D2HGDH: variants seen among roughly 807,000 people sequenced by gnomAD.
D2HGDH encodes D-2-hydroxyglutarate dehydrogenase.
D2HGDH carries 31 observed loss-of-function variants against 46.9 expected under a neutral mutation model. That is an observed-to-expected ratio of 0.66 (90% CI 0.50 to 0.89). The LOEUF (loss-of-function observed/expected upper bound fraction) is 0.89. D2HGDH is among the 40% of genes least tolerant of loss of function. D2HGDH has a pLI of 0.00. For synonymous variants in D2HGDH, 364 were observed against 332.6 expected (o/e 1.09, Z -1.03); for missense variants, 698 against 720.8 (o/e 0.97, Z 0.36).
At chr2:241,745,259 C>T (rs1695560683) in intron 6 of D2HGDH, among the ~76,000 whole-genome samples, 1 of 152,148 alleles carries the variant, frequency 6.6e-6, no homozygotes, top group Non-Finnish European at 1.5e-5. Flanking sequence ...TAAAGAATTC[C>T]CTCCTGTAAT....
Position 241,755,782 on chromosome 2 carries a change from G to A in D2HGDH, c.1141-67G>A, listed in dbSNP as rs760616286. 13 of 1,611,866 alleles carry A rather than the reference G, an allele frequency of 8.1e-6. No individual in the cohort carries two copies. The East Asian group carries it at 2.0e-4, about 25-fold the overall frequency. On this transcript the variant is annotated intron_variant, in intron 8 of 9. Coordinates refer to ENST00000321264, the MANE Select transcript of D2HGDH (RefSeq NM_152783.5). ...CATGCTGCTGCCCTAACCCCGTGTG[G>A]TGTGCCCCCTGTCCCCGGGTGTCGT...
intron 2 of D2HGDH, among the ~76,000 whole-genome samples, chr2:241,739,735 G>A (rs1019633100): frequency 3.9e-5 from 6 of 152,236 alleles, no homozygotes; most frequent in South Asian, 4.1e-4. Flanking sequence ...CAAATAAGGC[G>A]GCCAAGACTT....
chr2:241,752,635 G>A (rs537794719), intron 8 of D2HGDH, among the ~76,000 whole-genome samples: 27 of 152,088 alleles, frequency 1.8e-4, no homozygotes, highest in East Asian at 1.7e-3. Flanking sequence ...CAGGACAGCC[G>A]CCGGGGATTC....
intron 9 of D2HGDH, among the ~76,000 whole-genome samples, chr2:241,764,905 AGCCGTC>A (rs1328937144): frequency 6.6e-6 from 1 of 152,070 alleles, no homozygotes; most frequent in African/African-American, 2.4e-5. Flanking sequence ...CTCTTCTCTG[AGCCGTC>A]GCCTTCTTGA....
Position 241,751,309 on chromosome 2 carries a change from TG to T in D2HGDH, c.1064del (p.Gly355AlafsTer13). 8 of 1,613,976 alleles carry T rather than the reference TG, an allele frequency of 5.0e-6. No homozygotes were observed. Among genetic ancestry groups the T allele is most frequent in the Non-Finnish European group, 6.8e-6 (8 of 1,180,042 alleles). ...GSNAGHDAEK[L>X]GHFLEHALGS... ...AACGCAGGCCATGACGCTGAGAAGC[TG>T]GGCCACTTCCTGGAGCACGCGCTGG... is the stretch of plus-strand genomic sequence containing the variant. On this transcript the variant is annotated frameshift_variant, in exon 8 of 10. Transcript: ENST00000321264. LOFTEE classifies it high-confidence loss of function.
chr2:241,739,500 T>G (rs575404611), intron 2 of D2HGDH, among the ~76,000 whole-genome samples: 1 of 152,304 alleles, frequency 6.6e-6, no homozygotes, highest in Admixed American at 6.5e-5. Flanking sequence ...GGCTTTCTGA[T>G]CAGAAAAGCA....
intron 9 of D2HGDH, among the ~76,000 whole-genome samples, chr2:241,761,926 C>T (rs887445858): frequency 2.0e-5 from 3 of 152,108 alleles, no homozygotes; most frequent in Non-Finnish European, 4.4e-5. Context: ...TCTGGGTTGA[C>T]AGTTGCTTCC....
rs1440720901 is a variant in D2HGDH, at chr2:241,738,193, C to T, written c.292+2677C>T. On this transcript the variant is annotated intron_variant, in intron 2 of 9. Coordinates refer to ENST00000321264, the MANE Select transcript of D2HGDH (RefSeq NM_152783.5). The stretch of plus-strand genomic sequence containing the variant: ...TCCCGAAGTAAGGACCCCTCTGGGG[C>T]GATCTCAAGCTGCTGCCCTGAGTGC... Among the ~76,000 whole-genome samples the T allele has an allele frequency of 5.3e-5, 8 of 152,230 alleles. No individual in the cohort carries two copies. In the East Asian group the frequency reaches 5.8e-4, roughly 11 times the overall value.
rs772305527 is a variant in D2HGDH at position 241,741,108 on chromosome 2, G to A, written c.350+18G>A. The A allele has an allele frequency of 4.0e-5, 64 of 1,609,918 alleles. No homozygotes were observed. Among genetic ancestry groups the A allele is most frequent in the Middle Eastern group, 1.8e-4 (1 of 5,698 alleles). ...ATCCTCAGGTGAGGTGGTGGCTCCC[G>A]GCTCCCCCAGCCTTCCCTGTTGCCT... On this transcript the variant is annotated intron_variant, in intron 3 of 9. Transcript: ENST00000321264.
rs866737159 is a variant in D2HGDH at position 241,743,252 on chromosome 2, T to C, written c.491-370T>C. ...TGGGTGTTGAGCAGCATCCTTGGCC[T>C]CCGCCTACAAGGTGCCCATGGCACC... is the stretch of plus-strand genomic sequence containing the variant. On this transcript the variant is annotated intron_variant, in intron 4 of 9. Coordinates refer to ENST00000321264, the MANE Select transcript of D2HGDH (RefSeq NM_152783.5). The surrounding 1 kb of genome is among the most constrained non-coding windows in gnomAD (Gnocchi z 4.8). Among the ~76,000 whole-genome samples the C allele has an allele frequency of 1.3e-5, 2 of 152,176 alleles. No individual in the cohort carries two copies. Among genetic ancestry groups the C allele is most frequent in the Admixed American group, 6.5e-5 (1 of 15,290 alleles).
chr2:241,762,102 C>T (rs1195790230), intron 9 of D2HGDH, among the ~76,000 whole-genome samples: 22 of 146,320 alleles, frequency 1.5e-4, no homozygotes, highest in Middle Eastern at 3.2e-3. Flanking sequence ...GATGGAGTCC[C>T]GCTCTGTCAC....
chr2:241,735,398 G>A lies in D2HGDH; in HGVS notation c.174G>A (p.Pro58=), dbSNP rs1434400949. Residue 58 remains proline, a synonymous_variant, in exon 2 of 10, where the codon CCG becomes CCA. Transcript: ENST00000321264. ...TRERYPVRRL[P]FSTVSKQDLA... is the part of the protein sequence containing the mutation. ...AGCGCTACCCCGTGCGGCGCTTGCCGTTCTCCACGGTGTCTAAGCAGGACC... is the reference window on the plus strand; with the variant it reads ...AGCGCTACCCCGTGCGGCGCTTGCCATTCTCCACGGTGTCTAAGCAGGACC... 1.9e-6 allele frequency: 3 copies of A among 1,599,034 alleles called. No homozygotes were observed. Among genetic ancestry groups the A allele is most frequent in the African/African-American group, 1.3e-5 (1 of 74,854 alleles).
rs1257931111 is a variant in D2HGDH at position 241,735,182 on chromosome 2, GC to G, written c.-37del. On this transcript the variant is annotated 5_prime_UTR_variant, in exon 2 of 10. Coordinates refer to ENST00000321264, the MANE Select transcript of D2HGDH (RefSeq NM_152783.5). The stretch of plus-strand genomic sequence containing the variant: ...CTTCCCCTCCGGGCCCTGAGTACCG[GC>G]CCCCCACCAAGGAGGAGCCCGAGGT... 6.7e-6 allele frequency: 10 copies of G among 1,485,096 alleles called. No individual in the cohort carries two copies. Among genetic ancestry groups the G allele is most frequent in the South Asian group, 2.6e-5 (2 of 77,556 alleles). The allele number at this position is 1,485,096 out of a possible 1,614,324, so 92.0% of individuals were successfully genotyped here. A position where few individuals can be genotyped will look rare whatever the true frequency, so the allele number is the denominator to read the frequency against.
rs1559358303 is a variant in D2HGDH, at chr2:241,743,104, AGGGC to A, written c.491-516_491-513del. ...TGAGGGGATCCTGACCCAGGGTGCCAGGGCGTGGCAGGCATGAGGGGATCCTGAC... is the reference window on the plus strand; with the variant it reads ...TGAGGGGATCCTGACCCAGGGTGCCAGTGGCAGGCATGAGGGGATCCTGAC... On this transcript the variant is annotated intron_variant, in intron 4 of 9. Coordinates refer to ENST00000321264, the MANE Select transcript of D2HGDH (RefSeq NM_152783.5). This position sits in a 1 kb window ranked among gnomAD's most constrained non-coding sequence, Gnocchi z 4.8. Among the ~76,000 whole-genome samples the A allele has an allele frequency of 2.2e-3, 118 of 53,728 alleles. 1 individual carries two copies. The highest frequency in any genetic ancestry group is 0.014 in the African/African-American group (110 of 7,778). The allele number at this position is 53,728 out of a possible 152,430, so 35.2% of individuals were successfully genotyped here. A position where few individuals can be genotyped will look rare whatever the true frequency, so the allele number is the denominator to read the frequency against.
intron 8 of D2HGDH, chr2:241,755,200 T>C: frequency 7.8e-7 from 1 of 1,287,894 alleles, no homozygotes. Context: ...GCCGTGTCCC[T>C]CCTCCTCCAC....
chr2:241,747,900 C>G (rs1233975353), intron 6 of D2HGDH, among the ~76,000 whole-genome samples: 1 of 151,992 alleles, frequency 6.6e-6, no homozygotes, highest in African/African-American at 2.4e-5. Flanking sequence ...AGCCATTTCC[C>G]CTGCAGTCTT....
chr2:241,763,779 C>G (rs1281146460), intron 9 of D2HGDH, among the ~76,000 whole-genome samples: 1 of 152,160 alleles, frequency 6.6e-6, no homozygotes, highest in African/African-American at 2.4e-5. Context: ...CCTGTAATCT[C>G]AGCGCTTTGG....
intron 6 of D2HGDH, among the ~76,000 whole-genome samples, chr2:241,745,377 C>T (rs1312882328): frequency 6.6e-6 from 1 of 152,238 alleles, no homozygotes; most frequent in African/African-American, 2.4e-5. Context: ...TCTCCTGGGA[C>T]CTGCCTGCGG....
At position 241,735,368 on chromosome 2, in the gene D2HGDH, C is replaced by G; in HGVS notation, c.144C>G (p.Thr48=). Residue 48 remains threonine (T), a synonymous_variant, in exon 2 of 10, where the codon ACC becomes ACG. Transcript: ENST00000321264. ...CGGGGACCCCCGAGGTGCCGCTGACCCGGGAGCGCTACCCCGTGCGGCGCT... is the reference window on the plus strand; with the variant it reads ...CGGGGACCCCCGAGGTGCCGCTGACGCGGGAGCGCTACCCCGTGCGGCGCT... ...SAPGTPEVPL[T]RERYPVRRLP... 6.4e-7 allele frequency: 1 copy of G among 1,574,758 alleles called. No homozygotes were observed. Among genetic ancestry groups the G allele is most frequent in the Non-Finnish European group, 8.6e-7 (1 of 1,164,316 alleles).
Sources: allele counts gnomAD v4.1 joint callset (sites outside exome capture counted in the v4.1 genomes callset), GRCh38; gene constraint gnomAD v4.1.1; non-coding constraint Gnocchi (gnomAD v3.1); transcripts MANE v1.5; gene names NCBI Gene and HGNC (gene_info 2026-07-23, HGNC 2026-07-21).